Variants in COL24A1 observed in about 807,000 individuals in gnomAD.
COL24A1 encodes the protein collagen alpha-1(XXIV) chain.
In COL24A1, 224 loss-of-function variants were observed where a neutral mutation model predicts 253.9. The observed-to-expected ratio is 0.88, with a 90% CI of 0.79 to 0.99. The LOEUF is 0.99. COL24A1 is among the 50% of genes least tolerant of loss of function. The pLI, the probability that COL24A1 is intolerant of heterozygous loss-of-function variation, is 0.00. For synonymous variants in COL24A1, 685 were observed against 673.7 expected, an observed-to-expected ratio of 1.02 and a Z score of -0.26; for missense variants, 2,131 against 2,068.5, an observed-to-expected ratio of 1.03 and a Z score of -0.59.
At chr1:85,824,240 A>G (rs1570765200) in intron 43 of COL24A1, among the ~76,000 whole-genome samples, 1 of 152,176 alleles carries the variant, frequency 6.6e-6, no homozygotes, top group African/African-American at 2.4e-5. Flanking sequence ...AGGAATGCTG[A>G]CAGCCACTAG....
At chr1:85,987,472 A>G in intron 20 of COL24A1, 129 bp downstream of exon 20, 2 of 799,724 alleles carry the variant, frequency 2.5e-6, no homozygotes, top group Non-Finnish European at 4.1e-6. Flanking sequence ...AGTTTATTAA[A>G]TGTACCTGAG....
chr1:86,112,766 A>C (rs2039602), intron 4 of COL24A1, 146 bp from the exon 5 acceptor site: 96,018 of 583,936 alleles, frequency 0.16, 9,105 homozygotes, highest in South Asian at 0.24. Flanking sequence ...AGACCTACTT[A>C]CTTCAGCTTA....
At chr1:85,925,600 T>G (rs2103047394) in intron 24 of COL24A1, among the ~76,000 whole-genome samples, 1 of 152,254 alleles carries the variant, frequency 6.6e-6, no homozygotes, top group African/African-American at 2.4e-5. Flanking sequence ...TAAATGGTGC[T>G]GGGAAAACTG....
rs748499504 is a variant in COL24A1 at position 85,737,455 on chromosome 1, C to A, written c.4723G>T (p.Val1575Phe). The change falls in exon 58 of 60, where the codon GTT becomes TTT. Residue 1575 changes from valine to phenylalanine, a missense_variant. Val to Phe is a conservative substitution (Grantham distance 50). Transcript: ENST00000370571. Reference protein sequence around the residue: ...NLGCPSDAIEVFCNFSAGGQT... With the variant: ...NLGCPSDAIEFFCNFSAGGQT... Reference sequence around the variant, plus strand: ...CCACCAGCACTGAAATTGCAGAAAACCTCAATGGCATCTGAAGGACAGCCA... The same window carrying A: ...CCACCAGCACTGAAATTGCAGAAAAACTCAATGGCATCTGAAGGACAGCCA... 5 of 1,613,072 alleles carry A rather than the reference C, an allele frequency of 3.1e-6. No homozygotes were observed. The South Asian group carries it at 5.5e-5, about 18-fold the overall frequency.
intron 7 of COL24A1, among the ~76,000 whole-genome samples, chr1:86,087,593 G>A (rs34168319): frequency 0.13 from 19,864 of 152,032 alleles, 1,352 homozygotes; most frequent in Middle Eastern, 0.21. Flanking sequence ...AAAGTAATGA[G>A]TAGTTTATTC....
At chr1:85,956,729 T>C (rs1055525383) in intron 24 of COL24A1, among the ~76,000 whole-genome samples, 2 of 152,058 alleles carry the variant, frequency 1.3e-5, no homozygotes, top group Non-Finnish European at 2.9e-5. Flanking sequence ...GACCAGAAAA[T>C]GACCCTAGAA....
intron 24 of COL24A1, among the ~76,000 whole-genome samples, chr1:85,938,489 A>T (rs1254322727): frequency 6.8e-6 from 1 of 146,930 alleles, no homozygotes; most frequent in Non-Finnish European, 1.5e-5. Context: ...GAGGGAGAAG[A>T]TTAATATCAC....
intron 19 of COL24A1, among the ~76,000 whole-genome samples, chr1:85,999,521 G>A (rs1024106163): frequency 3.3e-5 from 5 of 152,026 alleles, no homozygotes; most frequent in African/African-American, 4.8e-5. Flanking sequence ...TATTTGAGAC[G>A]TTGAGGTGGG....
intron 37 of COL24A1, among the ~76,000 whole-genome samples, chr1:85,860,183 C>T (rs1431992410): frequency 6.6e-6 from 1 of 152,118 alleles, no homozygotes; most frequent in East Asian, 1.9e-4. Flanking sequence ...TTACATGATA[C>T]TATATACTCA....
intron 11 of COL24A1, among the ~76,000 whole-genome samples, chr1:86,049,031 G>A (rs1365871386): frequency 2.0e-5 from 3 of 152,290 alleles, no homozygotes; most frequent in East Asian, 1.9e-4. Flanking sequence ...TGGAACCATT[G>A]GGTCAAGAAG....
At chr1:86,017,123 A>T in intron 19 of COL24A1, 28 bp downstream of exon 19, 1 of 1,583,488 alleles carries the variant, frequency 6.3e-7, no homozygotes, top group East Asian at 2.3e-5. Context: ...TTTGTTTCAA[A>T]TTTATTAACT....
In COL24A1 at chr1:85,896,621, C is replaced by T. The variant is rs539100265; in HGVS notation, c.2779-212G>A. Among the ~76,000 whole-genome samples, 3 of 152,188 alleles carry T rather than the reference C, an allele frequency of 2.0e-5. No homozygotes were observed. The East Asian group carries it at 5.8e-4, about 30-fold the overall frequency. ...GCCATTCTCCTGCCTCAGCCTCCCC[C>T]TGAGTAGCTGGGACTACAGGCGCTC... On this transcript the variant is annotated intron_variant, in intron 28 of 59. Coordinates refer to ENST00000370571, the MANE Select transcript of COL24A1 (RefSeq NM_152890.7).
rs11578171 is a variant in COL24A1 at position 86,130,488 on chromosome 1, T to C, written c.122-4274A>G. On this transcript the variant is annotated intron_variant, in intron 2 of 59. Transcript: ENST00000370571. Reference sequence around the variant, plus strand: ...TTGAGATTTAGAAGGGTTTGTATTTTTATTCTAAGGGTTTCCTTTAAAATT... The same window carrying C: ...TTGAGATTTAGAAGGGTTTGTATTTCTATTCTAAGGGTTTCCTTTAAAATT... Among the ~76,000 whole-genome samples the C allele has an allele frequency of 2.0e-3, 306 of 152,034 alleles. 1 individual carries two copies. The highest frequency in any genetic ancestry group is 3.4e-3 in the Non-Finnish European group (230 of 67,890).
chr1:86,026,303 C>T (rs1457082682), intron 14 of COL24A1, among the ~76,000 whole-genome samples: 1 of 152,166 alleles, frequency 6.6e-6, no homozygotes, highest in Non-Finnish European at 1.5e-5. Flanking sequence ...AAAGATGACT[C>T]TTACTATCTG....
chr1:86,064,428 G>T (rs1330928377), intron 7 of COL24A1, among the ~76,000 whole-genome samples: 1 of 151,982 alleles, frequency 6.6e-6, no homozygotes, highest in African/African-American at 2.4e-5. Context: ...AAAGATATAG[G>T]AGCAAAATGA....
intron 2 of COL24A1, among the ~76,000 whole-genome samples, chr1:86,135,878 G>A (rs1204067272): frequency 6.6e-6 from 1 of 151,806 alleles, no homozygotes; most frequent in East Asian, 1.9e-4. Context: ...TTCTACTTGT[G>A]CTGTGCCAAC....
intron 7 of COL24A1, among the ~76,000 whole-genome samples, chr1:86,087,184 TATAAG>T (rs149447803): frequency 0.043 from 6,584 of 152,194 alleles, 176 homozygotes; most frequent in Middle Eastern, 0.089. Flanking sequence ...TAAAAAATCT[TATAAG>T]AGAAACAAGA....
intron 5 of COL24A1, among the ~76,000 whole-genome samples, chr1:86,094,766 A>T (rs980290851): frequency 4.6e-5 from 7 of 151,954 alleles, no homozygotes; most frequent in African/African-American, 1.7e-4. Context: ...GGCTTTGGTG[A>T]TATCTTAATA....
chr1:86,111,272 G>C (rs113974113), intron 5 of COL24A1, among the ~76,000 whole-genome samples: 25,428 of 136,084 alleles, frequency 0.19, 2,288 homozygotes, highest in South Asian at 0.29. Context: ...ACTTGGAGAA[G>C]TTTTATGTCT....
Sources: allele counts gnomAD v4.1 joint callset (sites outside exome capture counted in the v4.1 genomes callset), GRCh38; gene constraint gnomAD v4.1.1; transcripts MANE v1.5; gene names NCBI Gene and HGNC (gene_info 2026-07-23, HGNC 2026-07-21).